Variants in CRACD observed in about 807,000 individuals in gnomAD.
CRACD encodes the protein capping protein inhibiting regulator of actin dynamics.
In CRACD, 56 loss-of-function variants were observed where a neutral mutation model predicts 106.8. The ratio of observed to expected loss-of-function variants is 0.52; its 90% CI spans 0.42 to 0.66. The LOEUF (loss-of-function observed/expected upper bound fraction) is 0.66, where lower values mean the gene tolerates loss of function less well. CRACD is among the 30% of genes least tolerant of loss of function. The pLI, the probability that CRACD is intolerant of heterozygous loss-of-function variation, is 0.00. For synonymous variants in CRACD, 754 were observed against 670.8 expected, an observed-to-expected ratio of 1.12 and a Z score of -1.92; for missense variants, 1,730 against 1,623.2, an observed-to-expected ratio of 1.07 and a Z score of -1.13.
intron 1 of CRACD, among the ~76,000 whole-genome samples, chr4:56,120,797 A>G (rs538066999): frequency 5.3e-5 from 8 of 152,358 alleles, no homozygotes; most frequent in Admixed American, 2.6e-4. Context: ...AACAGTTAGC[A>G]GTTTGGGCCT....
chr4:56,301,240 T>C, intron 4 of CRACD: 2 of 1,288,094 alleles, frequency 1.6e-6, no homozygotes, highest in African/African-American at 1.5e-5. Context: ...CTAAGCAGTA[T>C]GTTCCTGGTA....
At position 56,329,545 on chromosome 4, in the gene CRACD, A is replaced by G. The variant is rs920407020; in HGVS notation, c.*1741A>G. Among the ~76,000 whole-genome samples, 1 of 152,180 alleles carries G rather than the reference A, an allele frequency of 6.6e-6. No homozygotes were observed. Among genetic ancestry groups the G allele is most frequent in the African/African-American group, 2.4e-5 (1 of 41,456 alleles). The stretch of plus-strand genomic sequence containing the variant: ...GTTGTACTCTTGCAAGTTGGATTTA[A>G]TATCATATATACTGGACCTTCAGAC... On this transcript the variant is annotated 3_prime_UTR_variant, in exon 11 of 11. Coordinates refer to ENST00000682029, the MANE Select transcript of CRACD (RefSeq NM_001393381.1).
intron 2 of CRACD, among the ~76,000 whole-genome samples, chr4:56,186,882 T>C (rs956060151): frequency 1.3e-5 from 2 of 152,112 alleles, no homozygotes; most frequent in South Asian, 4.1e-4. Context: ...AGCAACATAG[T>C]GAGACCTCAT....
Position 56,315,735 on chromosome 4 carries a change from A to T in CRACD, c.2233A>T (p.Ile745Leu). 6.2e-7 allele frequency: 1 copy of T among 1,614,240 alleles called. No homozygotes were observed. Among genetic ancestry groups the T allele is most frequent in the South Asian group, 1.1e-5 (1 of 91,092 alleles). The change falls in exon 8 of 11, where the codon ATA becomes TTA. Residue 745 changes from isoleucine (I) to leucine (L), a missense_variant. This residue lies in a region of CRACD where 1,620 missense variants were observed against 1,481.6 expected (regional missense o/e 1.09). Coordinates refer to ENST00000682029, the MANE Select transcript of CRACD (RefSeq NM_001393381.1). This position sits in a 1 kb window ranked among gnomAD's most constrained non-coding sequence, Gnocchi z 4.1. Reference sequence around the variant, plus strand: ...CAAACAGAGCACGGAAGCTGAAAGCATACGAAAAAGACCCATGCTGGGACC... The same window carrying T: ...CAAACAGAGCACGGAAGCTGAAAGCTTACGAAAAAGACCCATGCTGGGACC... ...TSKQSTEAES[I>L]RKRPMLGPSE...
At chr4:56,290,946 T>TAG (rs1427787055) in intron 3 of CRACD, among the ~76,000 whole-genome samples, 1 of 152,228 alleles carries the variant, frequency 6.6e-6, no homozygotes, top group African/African-American at 2.4e-5. Context: ...CCTGTCTTTG[T>TAG]AGAGTTGGCT....
intron 2 of CRACD, among the ~76,000 whole-genome samples, chr4:56,235,159 A>C (rs1478246367): frequency 6.6e-6 from 1 of 152,200 alleles, no homozygotes; most frequent in Non-Finnish European, 1.5e-5. Flanking sequence ...CAGTGGGAGT[A>C]GGGGAAAAAA....
intron 2 of CRACD, among the ~76,000 whole-genome samples, chr4:56,260,915 A>ATCCG (rs1741663794): frequency 6.6e-6 from 1 of 151,122 alleles, no homozygotes; most frequent in African/African-American, 2.4e-5. Context: ...CCATCCATCC[A>ATCCG]TCCATCCGTC....
Position 56,323,462 on chromosome 4 carries a change from G to A in CRACD, c.3273G>A (p.Thr1091=), listed in dbSNP as rs778617427. 1.2e-5 allele frequency: 20 copies of A among 1,612,114 alleles called. No individual in the cohort carries two copies. The highest frequency in any genetic ancestry group is 1.7e-5 in the Admixed American group (1 of 59,424). The part of the protein sequence containing the change: ...KVETAQPLWI[T]LALQKQKGFR... ...AAACTGCTCAGCCGCTGTGGATAAC[G>A]TTAGCACTGCAAAAGCAAAAGGGGT... The change falls in exon 9 of 11, where the codon ACG becomes ACA. Residue 1091 remains threonine (T), a synonymous_variant. Transcript: ENST00000682029.
chr4:56,323,635 TACAAA>T, intron 9 of CRACD, 68 bp downstream of exon 9: 1 of 1,407,306 alleles, frequency 7.1e-7, no homozygotes, highest in South Asian at 1.5e-5. Context: ...GTCACAAGGA[TACAAA>T]ACAAAAGGCT....
chr4:56,245,242 A>G, intron 2 of CRACD, among the ~76,000 whole-genome samples: 2 of 152,298 alleles, frequency 1.3e-5, no homozygotes, highest in Admixed American at 1.3e-4. Context: ...TGGATAGGTA[A>G]TAAATAATTG....
chr4:56,178,532 A>G (rs768651626), intron 1 of CRACD, among the ~76,000 whole-genome samples: 2 of 152,324 alleles, frequency 1.3e-5, no homozygotes, highest in African/African-American at 2.4e-5. Context: ...GTTGTATTCA[A>G]TGAGAAATTG....
At position 56,327,650 on chromosome 4, in the gene CRACD, T is replaced by G. The variant is rs1317647553; in HGVS notation, c.3548T>G (p.Ile1183Ser). 6.2e-7 allele frequency: 1 copy of G among 1,613,058 alleles called. No individual in the cohort carries two copies. Among genetic ancestry groups the G allele is most frequent in the Non-Finnish European group, 8.5e-7 (1 of 1,179,486 alleles). Residue 1183 changes from isoleucine to serine, a missense_variant, in exon 11 of 11, where the codon ATC becomes AGC. Transcript: ENST00000682029. ...CCTTCAAAACAAAATCCAGTGGAGA[T>G]CTCCGACTCGGCTCCCCCAGCGCCG... ...NTLPTSVTVEISDSAPPAPLV... is the reference protein window; with the variant it reads ...NTLPTSVTVESSDSAPPAPLV...
intron 2 of CRACD, among the ~76,000 whole-genome samples, chr4:56,258,701 A>G (rs922202363): frequency 4.6e-5 from 7 of 152,214 alleles, no homozygotes; most frequent in African/African-American, 1.7e-4. Context: ...AGCTTTGAGC[A>G]GTGTATCTGA....
intron 1 of CRACD, among the ~76,000 whole-genome samples, chr4:56,130,373 A>G (rs1038862181): frequency 3.5e-4 from 54 of 152,328 alleles, no homozygotes; most frequent in Middle Eastern, 3.4e-3. Flanking sequence ...AATAACTTGG[A>G]GCAAGATTTA....
intron 3 of CRACD, among the ~76,000 whole-genome samples, chr4:56,282,246 A>C (rs1743078663): frequency 6.6e-6 from 1 of 152,222 alleles, no homozygotes; most frequent in Admixed American, 6.5e-5. Context: ...TCATTGCCAT[A>C]GTAATTACCC....
intron 1 of CRACD, among the ~76,000 whole-genome samples, chr4:56,102,436 A>G (rs115001196): frequency 0.013 from 2,011 of 152,300 alleles, 16 homozygotes; most frequent in Non-Finnish European, 0.018. Context: ...AGAGAAACGT[A>G]TGACTAGATC....
chr4:56,212,617 A>G (rs191436898), intron 2 of CRACD, among the ~76,000 whole-genome samples: 1 of 152,264 alleles, frequency 6.6e-6, no homozygotes, highest in East Asian at 1.9e-4. Flanking sequence ...TTTTGAAATT[A>G]TGGATCTCAT....
rs111437119 is a variant in CRACD, at chr4:56,219,617, A to G, written c.-189+40187A>G. On this transcript the variant is annotated intron_variant, in intron 2 of 10. Coordinates refer to ENST00000682029, the MANE Select transcript of CRACD (RefSeq NM_001393381.1). ...GTCAAATTGTTATTTCAGCCTCCCA[A>G]AGTGCTGTGATTACAGGGGTGAGGT... is the stretch of plus-strand genomic sequence containing the variant. Among the ~76,000 whole-genome samples, 179 of 152,262 alleles carry G rather than the reference A, an allele frequency of 1.2e-3. 1 individual carries two copies. Among genetic ancestry groups the G allele is most frequent in the African/African-American group, 4.2e-3 (175 of 41,562 alleles).
At chr4:56,103,640 A>G (rs889154081) in intron 1 of CRACD, among the ~76,000 whole-genome samples, 15 of 152,230 alleles carry the variant, frequency 9.9e-5, no homozygotes, top group African/African-American at 3.4e-4. Flanking sequence ...GGATAAGGGA[A>G]TTGGCAGAGT....
Sources: gnomAD v4.1 joint callset for allele counts (sites outside exome capture counted in the v4.1 genomes callset) on GRCh38, gnomAD v4.1.1 for gene constraint, gnomAD v4.1.1 regional missense constraint, Gnocchi (gnomAD v3.1) non-coding constraint, MANE v1.5 for transcripts, NCBI Gene and HGNC (gene_info 2026-07-23, HGNC 2026-07-21) for gene names.